The following SEMA4D variants were observed in gnomAD, a reference collection of about 807,000 sequenced individuals.
SEMA4D encodes the protein semaphorin 4D.
In SEMA4D, 22 loss-of-function variants were observed where a neutral mutation model predicts 74.8. The observed-to-expected ratio is 0.29, with a 90% CI of 0.21 to 0.42. The LOEUF is 0.42. Ranked by LOEUF, SEMA4D falls within the 10% of genes least tolerant of loss-of-function variation. SEMA4D has a pLI of 1.00. For synonymous variants in SEMA4D, 445 were observed against 463.7 expected, an observed-to-expected ratio of 0.96 and a Z score of 0.52; for missense variants, 937 against 1,118.4, an observed-to-expected ratio of 0.84 and a Z score of 2.31.
intron 2 of SEMA4D, among the ~76,000 whole-genome samples, chr9:89,426,753 A>G (rs890680223): frequency 1.3e-5 from 2 of 152,150 alleles, no homozygotes; most frequent in East Asian, 3.9e-4. Context: ...AGAGGAAGCA[A>G]CTTCAACTAA....
At chr9:89,428,708 C>T (rs1213416499) in intron 2 of SEMA4D, among the ~76,000 whole-genome samples, 1 of 152,236 alleles carries the variant, frequency 6.6e-6, no homozygotes, top group Non-Finnish European at 1.5e-5. Context: ...GCCCCCGGCC[C>T]CACCTACAGG....
chr9:89,390,648 C>T (rs1839658983), intron 9 of SEMA4D, among the ~76,000 whole-genome samples: 1 of 152,198 alleles, frequency 6.6e-6, no homozygotes, highest in Admixed American at 6.5e-5. Context: ...CTACCTGCTC[C>T]GAGATGAGCT....
chr9:89,443,356 C>T (rs1283150906), intron 2 of SEMA4D, among the ~76,000 whole-genome samples: 2 of 152,242 alleles, frequency 1.3e-5, no homozygotes, highest in African/African-American at 2.4e-5. Context: ...CCCATGGGCC[C>T]AGTCTCCAGC....
At chr9:89,384,610 C>A in intron 13 of SEMA4D, 3 of 957,052 alleles carry the variant, frequency 3.1e-6, no homozygotes, top group Non-Finnish European at 3.7e-6. Flanking sequence ...CTGACGTGCA[C>A]AATGAAAAAT....
At chr9:89,409,738 T>G (rs1283135917) in intron 2 of SEMA4D, among the ~76,000 whole-genome samples, 2 of 152,068 alleles carry the variant, frequency 1.3e-5, no homozygotes, top group Non-Finnish European at 2.9e-5. Flanking sequence ...CCAGTTCATT[T>G]CGGGTCAAAT....
rs1258636637 is a variant in SEMA4D at position 89,484,978 on chromosome 9, G to A, written c.-310+12941C>T. Among the ~76,000 whole-genome samples, 1 of 136,284 alleles carries A rather than the reference G, an allele frequency of 7.3e-6. No homozygotes were observed. Among genetic ancestry groups the A allele is most frequent in the Non-Finnish European group, 1.7e-5 (1 of 59,336 alleles). 89.4% of individuals were successfully genotyped at this position (136,284 alleles called of 152,430 possible). On this transcript the variant is annotated intron_variant, in intron 1 of 15. Coordinates refer to ENST00000422704, the MANE Select transcript of SEMA4D (RefSeq NM_001371194.2). This position sits in a 1 kb window ranked among gnomAD's most constrained non-coding sequence, Gnocchi z 4.1. ...CTGGGTGGGTGGTGGAGGCATATGT[G>A]TGTAGTATGTTGTGTGTGTGTGTGT...
rs984135954 is a variant in SEMA4D, at chr9:89,445,924, T to G, written c.-244+9964A>C. On this transcript the variant is annotated intron_variant, in intron 2 of 15. Transcript: ENST00000422704. The stretch of plus-strand genomic sequence containing the variant: ...TCTGCAGGCTCAGCTGGAGGTGCCA[T>G]GCAGGACAAGCACTGCACCCCCAGC... Among the ~76,000 whole-genome samples the G allele has an allele frequency of 4.6e-5, 7 of 152,212 alleles. No individual in the cohort carries two copies. In the East Asian group the frequency reaches 1.4e-3, roughly 29 times the overall value.
At chr9:89,366,780 GAACA>G (rs1453546466) in intron 16 of SEMA4D, among the ~76,000 whole-genome samples, 1 of 152,072 alleles carries the variant, frequency 6.6e-6, no homozygotes, top group Non-Finnish European at 1.5e-5. Context: ...ACTTTTCTTT[GAACA>G]GACAGTGAAG....
At chr9:89,415,289 G>A (rs902992962) in intron 2 of SEMA4D, among the ~76,000 whole-genome samples, 13 of 152,150 alleles carry the variant, frequency 8.5e-5, no homozygotes, top group African/African-American at 3.1e-4. Context: ...TCTCTAAGGG[G>A]GCCAACGGTC....
rs762996871 is a variant in SEMA4D at position 89,396,692 on chromosome 9, C to A, written c.414+45G>T. On this transcript the variant is annotated intron_variant, in intron 6 of 15. Transcript: ENST00000422704. ...TTTGAGCCCCCTTCTACTTTAACTG[C>A]TGACCAGGCTGGCGTGAGCACAGGG... 3.9e-6 allele frequency: 6 copies of A among 1,519,360 alleles called. No homozygotes were observed. The African/African-American group carries it at 8.2e-5, about 21-fold the overall frequency. 94.1% of individuals were successfully genotyped at this position (1,519,360 alleles called of 1,614,324 possible).
intron 4 of SEMA4D, among the ~76,000 whole-genome samples, chr9:89,400,506 A>AC (rs1841972502): frequency 6.6e-6 from 1 of 152,190 alleles, no homozygotes; most frequent in African/African-American, 2.4e-5. Context: ...GAGGAACCCC[A>AC]CTTTAGGTTT....
At chr9:89,421,830 G>A (rs921299056) in intron 2 of SEMA4D, among the ~76,000 whole-genome samples, 3 of 152,148 alleles carry the variant, frequency 2.0e-5, no homozygotes, top group African/African-American at 7.2e-5. Flanking sequence ...TGTGCACACA[G>A]GCTCATCAGA....
At chr9:89,467,882 A>G (rs1359325096) in intron 1 of SEMA4D, among the ~76,000 whole-genome samples, 4 of 152,128 alleles carry the variant, frequency 2.6e-5, no homozygotes. Flanking sequence ...AAGCAGGGAG[A>G]GCTGGCAGTG....
intron 1 of SEMA4D, among the ~76,000 whole-genome samples, chr9:89,481,506 C>T (rs543776443): frequency 6.6e-5 from 10 of 152,390 alleles, no homozygotes; most frequent in African/African-American, 2.4e-4. Context: ...GGCTAAAACA[C>T]AGCCTGTGTG....
chr9:89,478,575 T>C (rs2136131816), intron 1 of SEMA4D, among the ~76,000 whole-genome samples: 1 of 152,318 alleles, frequency 6.6e-6, no homozygotes, highest in African/African-American at 2.4e-5. Context: ...CCTGTGCGCC[T>C]ATGAAAAGGG....
At chr9:89,486,198 C>G (rs143167758) in intron 1 of SEMA4D, among the ~76,000 whole-genome samples, 1 of 152,256 alleles carries the variant, frequency 6.6e-6, no homozygotes, top group African/African-American at 2.4e-5. Flanking sequence ...TGCTCAAATA[C>G]CTGCATAATT....
At chr9:89,408,358 C>T (rs1843753086) in intron 2 of SEMA4D, among the ~76,000 whole-genome samples, 2 of 152,188 alleles carry the variant, frequency 1.3e-5, no homozygotes. Context: ...CAGGGTCCTG[C>T]TGCCCTTGCT....
chr9:89,371,959 T>TGG (rs1835007375), intron 16 of SEMA4D, among the ~76,000 whole-genome samples: 1 of 112,340 alleles, frequency 8.9e-6, no homozygotes. Flanking sequence ...TGGGGTGTGG[T>TGG]GTGTGTGGGG....
At chr9:89,444,126 C>T (rs1209119897) in intron 2 of SEMA4D, among the ~76,000 whole-genome samples, 1 of 152,186 alleles carries the variant, frequency 6.6e-6, no homozygotes, top group Non-Finnish European at 1.5e-5. Flanking sequence ...TCCTAGACAC[C>T]TTGCCTTTTA....
Sources: allele counts gnomAD v4.1 joint callset (sites outside exome capture counted in the v4.1 genomes callset), GRCh38; gene constraint gnomAD v4.1.1; non-coding constraint Gnocchi (gnomAD v3.1); transcripts MANE v1.5; gene names NCBI Gene and HGNC (gene_info 2026-07-23, HGNC 2026-07-21).